CNTN4: variants seen among roughly 807,000 people sequenced by gnomAD.
The protein encoded by CNTN4 is contactin-4.
A neutral mutation model predicts 122.5 loss-of-function variants in CNTN4; 77 were observed. That is an observed-to-expected ratio of 0.63 (90% CI 0.52 to 0.76). The LOEUF is 0.76. Ranked by LOEUF, CNTN4 falls within the 30% of genes least tolerant of loss-of-function variation. CNTN4 has a pLI of 0.00. For synonymous variants in CNTN4, 512 were observed against 447.0 expected (o/e 1.15, Z -1.83); for missense variants, 1,256 against 1,259.1 (o/e 1.00, Z 0.04).
chr3:2,990,244 A>G (rs1315437185), intron 14 of CNTN4, among the ~76,000 whole-genome samples: 1 of 152,208 alleles, frequency 6.6e-6, no homozygotes, highest in South Asian at 2.1e-4. Flanking sequence ...GGTGTCTGGC[A>G]CCTAAGAAAT....
intron 3 of CNTN4, among the ~76,000 whole-genome samples, chr3:2,449,019 C>T (rs549092812): frequency 1.3e-5 from 2 of 152,128 alleles, no homozygotes; most frequent in Non-Finnish European, 2.9e-5. Flanking sequence ...ATTTCCACTT[C>T]CATAAAAAAG....
chr3:2,153,741 G>T (rs914206604), intron 2 of CNTN4, among the ~76,000 whole-genome samples: 5 of 152,094 alleles, frequency 3.3e-5, no homozygotes, highest in African/African-American at 1.2e-4. Context: ...AGAGAATGGC[G>T]TGGGGTGAAA....
At chr3:2,426,453 C>T (rs532692594) in intron 3 of CNTN4, among the ~76,000 whole-genome samples, 3 of 152,140 alleles carry the variant, frequency 2.0e-5, no homozygotes, top group Non-Finnish European at 2.9e-5. Flanking sequence ...TTTTGATGTG[C>T]TGCTGGATTC....
At chr3:3,029,521 C>T (rs561742225) in intron 15 of CNTN4, among the ~76,000 whole-genome samples, 75 of 152,178 alleles carry the variant, frequency 4.9e-4, no homozygotes, top group Non-Finnish European at 7.3e-4. Context: ...CTCTTCTAAT[C>T]GTATTTCTAA....
At chr3:2,643,641 A>G (rs1185762415) in intron 4 of CNTN4, among the ~76,000 whole-genome samples, 1 of 152,190 alleles carries the variant, frequency 6.6e-6, no homozygotes, top group East Asian at 1.9e-4. Context: ...GGTGGAGAAG[A>G]CACATAAACA....
intron 4 of CNTN4, among the ~76,000 whole-genome samples, chr3:2,596,908 C>T (rs113540701): frequency 6.6e-6 from 1 of 152,158 alleles, no homozygotes; most frequent in East Asian, 1.9e-4. Flanking sequence ...ACATCTTTTT[C>T]GGTACTGTGT....
At chr3:2,190,806 GCACACACACACA>G (rs34364522) in intron 2 of CNTN4, among the ~76,000 whole-genome samples, 2 of 147,612 alleles carry the variant, frequency 1.4e-5, no homozygotes, top group African/African-American at 5.0e-5. Context: ...AGGACTTTAT[GCACACACACACA>G]CACACACACA....
At chr3:2,595,834 G>A (rs1010782050) in intron 4 of CNTN4, among the ~76,000 whole-genome samples, 2 of 152,108 alleles carry the variant, frequency 1.3e-5, no homozygotes, top group Non-Finnish European at 2.9e-5. Flanking sequence ...CAAACACGCA[G>A]GTATAAAAAT....
At chr3:2,722,007 A>C (rs532879913) in intron 4 of CNTN4, among the ~76,000 whole-genome samples, 1 of 152,326 alleles carries the variant, frequency 6.6e-6, no homozygotes, top group South Asian at 2.1e-4. Context: ...GGGCTTCACC[A>C]GACACCAAAT....
rs368015728 is a variant in CNTN4 at position 2,830,025 on chromosome 3, G to GA, written c.454+10452dup. ...AGTTAATTAAATATCTTATTGTTCA[G>GA]AAAAAAAATAATAATTTGGCTAAAA... On this transcript the variant is annotated intron_variant, in intron 7 of 24. Coordinates refer to ENST00000418658, the MANE Select transcript of CNTN4 (RefSeq NM_175607.3). Among the ~76,000 whole-genome samples the GA allele has an allele frequency of 4.5e-3, 689 of 151,884 alleles. 6 individuals carry two copies. The highest frequency in any genetic ancestry group is 0.016 in the African/African-American group (660 of 41,416).
chr3:2,878,553 CTGTGTG>C (rs60925207), intron 8 of CNTN4, among the ~76,000 whole-genome samples: 13,002 of 146,846 alleles, frequency 0.089, 1,076 homozygotes, highest in East Asian at 0.52. Context: ...GAGATGCTCT[CTGTGTG>C]TGTGTGTGTG....
chr3:2,613,107 C>T (rs1359592086), intron 4 of CNTN4, among the ~76,000 whole-genome samples: 3 of 152,098 alleles, frequency 2.0e-5, no homozygotes, highest in African/African-American at 7.2e-5. Flanking sequence ...TTCATTTTAT[C>T]ATTAATTTGT....
At chr3:2,642,246 G>C (rs1420084387) in intron 4 of CNTN4, among the ~76,000 whole-genome samples, 1 of 152,186 alleles carries the variant, frequency 6.6e-6, no homozygotes, top group Non-Finnish European at 1.5e-5. Flanking sequence ...ATGGAAGAAA[G>C]ATGTAGGGTG....
chr3:2,378,736 C>CT (rs199694954), intron 3 of CNTN4, among the ~76,000 whole-genome samples: 52 of 147,278 alleles, frequency 3.5e-4, no homozygotes, highest in Non-Finnish European at 5.1e-4. Flanking sequence ...AGCTTAGCTC[C>CT]TTTTTTTTTT....
intron 6 of CNTN4, among the ~76,000 whole-genome samples, chr3:2,792,699 T>C (rs1363193870): frequency 6.6e-6 from 1 of 152,208 alleles, no homozygotes; most frequent in East Asian, 1.9e-4. Context: ...TAGCACTCAC[T>C]TCTAATATTG....
intron 4 of CNTN4, among the ~76,000 whole-genome samples, chr3:2,586,700 T>C (rs2080220982): frequency 6.6e-6 from 1 of 152,236 alleles, no homozygotes; most frequent in Admixed American, 6.5e-5. Flanking sequence ...CCTCAGTTAC[T>C]GATTTGCTAC....
intron 7 of CNTN4, among the ~76,000 whole-genome samples, chr3:2,837,905 CAA>C (rs1288696735): frequency 6.6e-6 from 1 of 152,128 alleles, no homozygotes; most frequent in Non-Finnish European, 1.5e-5. Flanking sequence ...TTATTTTCAA[CAA>C]AGTCCCATGT....
chr3:3,036,434 C>T (rs976592738), intron 17 of CNTN4, among the ~76,000 whole-genome samples: 2 of 152,036 alleles, frequency 1.3e-5, no homozygotes, highest in African/African-American at 4.8e-5. Context: ...CTTCATTTTC[C>T]TCTTCTGTTA....
intron 2 of CNTN4, among the ~76,000 whole-genome samples, chr3:2,296,795 A>G (rs993812356): frequency 7.6e-6 from 1 of 131,384 alleles, no homozygotes. Flanking sequence ...CTCTGAAAAA[A>G]AAAAACAACA....
Sources: gnomAD v4.1 joint callset for allele counts (sites outside exome capture counted in the v4.1 genomes callset) on GRCh38, gnomAD v4.1.1 for gene constraint, MANE v1.5 for transcripts, NCBI Gene and HGNC (gene_info 2026-07-23, HGNC 2026-07-21) for gene names.